Variants in GSPT1 observed in about 807,000 individuals in gnomAD.
The protein encoded by GSPT1 is eukaryotic peptide chain release factor GTP-binding subunit ERF3A.
GSPT1 carries 20 observed loss-of-function variants against 72.5 expected under a neutral mutation model. The observed-to-expected ratio is 0.28, with a 90% CI of 0.19 to 0.40. GSPT1 has a LOEUF of 0.40. Among genes scored for constraint, GSPT1 ranks in the 10% least tolerant of loss-of-function variants. The pLI is 1.00. For missense variants in GSPT1, 580 were observed against 811.9 expected (o/e 0.71, Z 3.47); for synonymous variants, 334 against 293.5 (o/e 1.14, Z -1.41).
At chr16:11,874,730 A>G (rs1237934703) in intron 14 of GSPT1, among the ~76,000 whole-genome samples, 1 of 152,190 alleles carries the variant, frequency 6.6e-6, no homozygotes, top group African/African-American at 2.4e-5. Flanking sequence ...CAGGAACTGT[A>G]TTCATCACCA....
upstream of GSPT1, among the ~76,000 whole-genome samples, chr16:11,916,254 G>A (rs1157048329): frequency 6.6e-6 from 1 of 152,178 alleles, no homozygotes; most frequent in South Asian, 2.1e-4. Context: ...GTGGCCGCTC[G>A]GCGGCCCCAC....
chr16:11,891,492 G>C (rs920349705), intron 5 of GSPT1, among the ~76,000 whole-genome samples: 2 of 151,286 alleles, frequency 1.3e-5, no homozygotes, highest in African/African-American at 4.9e-5. Context: ...CTCCTGAGTA[G>C]CTGGGATTAC....
chr16:11,895,015 T>G, intron 4 of GSPT1, 28 bp from the exon 5 acceptor site: 2 of 1,555,880 alleles, frequency 1.3e-6, no homozygotes, highest in East Asian at 4.5e-5. Context: ...ATGCAAACCA[T>G]AGGTTAAAAC....
At chr16:11,890,723 T>C in intron 6 of GSPT1, 1 of 170,782 alleles carries the variant, frequency 5.9e-6, no homozygotes, top group Non-Finnish European at 1.2e-5. Context: ...GTTTCCTGCT[T>C]CCCCCCAACT....
At chr16:11,891,534 G>A (rs2054261093) in intron 5 of GSPT1, among the ~76,000 whole-genome samples, 1 of 150,986 alleles carries the variant, frequency 6.6e-6, no homozygotes, top group Admixed American at 6.6e-5. Flanking sequence ...GCTAATTTTT[G>A]TACTTGTAGT....
intron 5 of GSPT1, among the ~76,000 whole-genome samples, chr16:11,893,466 G>T (rs2054295483): frequency 6.6e-6 from 1 of 152,022 alleles, no homozygotes; most frequent in Non-Finnish European, 1.5e-5. Flanking sequence ...TGTAAATGTA[G>T]GTACTATAGA....
Position 11,886,781 on chromosome 16 carries a change from C to T in GSPT1, c.1108G>A (p.Glu370Lys), listed in dbSNP as rs1479376712. The T allele has an allele frequency of 6.2e-7, 1 of 1,613,280 alleles. No individual in the cohort carries two copies. The highest frequency in any genetic ancestry group is 8.5e-7 in the Non-Finnish European group (1 of 1,179,410). The stretch of plus-strand genomic sequence containing the variant: ...ATACCAGACATCTACGCTCACCTCT[C>T]ATTGCTCCAATTTACTGTTGGATCA... ...MDDPTVNWSNERYEECKEKLV... is the reference protein window; with the variant it reads ...MDDPTVNWSNKRYEECKEKLV... Residue 370 changes from glutamate to lysine, a missense_variant, in exon 8 of 15, where the codon GAG becomes AAG. Transcript: ENST00000434724.
chr16:11,888,415 T>G (rs1046754941), intron 6 of GSPT1, among the ~76,000 whole-genome samples: 5 of 146,632 alleles, frequency 3.4e-5, no homozygotes, highest in African/African-American at 1.3e-4. Context: ...TGAGCCAAGA[T>G]CGTGCCATCG....
chr16:11,905,662 C>T lies in GSPT1; in HGVS notation c.353-7627G>A, dbSNP rs142729926. Among the ~76,000 whole-genome samples the T allele has an allele frequency of 5.3e-4, 80 of 152,228 alleles. 2 individuals carry two copies. The East Asian group carries it at 0.015, about 29-fold the overall frequency. On this transcript the variant is annotated intron_variant, in intron 1 of 14. Transcript: ENST00000434724. Reference sequence around the variant, plus strand: ...CCAGCCTGGCCAACGTGGTGAAACCCCGTCTCTACTAAAAAATTAAAAATT... The same window carrying T: ...CCAGCCTGGCCAACGTGGTGAAACCTCGTCTCTACTAAAAAATTAAAAATT...
intron 12 of GSPT1, among the ~76,000 whole-genome samples, chr16:11,876,587 CA>C (rs563672890): frequency 2.0e-5 from 3 of 152,080 alleles, no homozygotes; most frequent in Non-Finnish European, 4.4e-5. Flanking sequence ...ACTAAAAATA[CA>C]AAACAATCAG....
upstream of GSPT1, among the ~76,000 whole-genome samples, chr16:11,916,267 G>A (rs1200223485): frequency 1.3e-5 from 2 of 152,130 alleles, no homozygotes; most frequent in African/African-American, 4.8e-5. Context: ...GGCCCCACCT[G>A]TCACCTGGTG....
chr16:11,913,279 C>G (rs1298646562), intron 1 of GSPT1, among the ~76,000 whole-genome samples: 3 of 152,168 alleles, frequency 2.0e-5, no homozygotes, highest in African/African-American at 7.2e-5. Context: ...AAATAGACAT[C>G]CTACATAGGA....
intron 1 of GSPT1, among the ~76,000 whole-genome samples, chr16:11,902,380 AACAG>A (rs1239101738): frequency 6.8e-6 from 1 of 146,018 alleles, no homozygotes; most frequent in Non-Finnish European, 1.5e-5. Flanking sequence ...CTGTCTCAAA[AACAG>A]ACAGAGCAGG....
At chr16:11,915,984 A>G (rs756190137), upstream of GSPT1, 1 of 700,874 alleles carries the variant, frequency 1.4e-6, no homozygotes, top group East Asian at 2.8e-5. Context: ...ACCACCTCCG[A>G]CGGCCTCACA....
At chr16:11,913,823 G>A (rs1413093054) in intron 1 of GSPT1, among the ~76,000 whole-genome samples, 1 of 152,182 alleles carries the variant, frequency 6.6e-6, no homozygotes, top group African/African-American at 2.4e-5. Flanking sequence ...ATTGTCTAGA[G>A]CCGTACCACC....
chr16:11,874,989 A>G (rs956253420), intron 14 of GSPT1, among the ~76,000 whole-genome samples: 1 of 152,218 alleles, frequency 6.6e-6, no homozygotes, highest in African/African-American at 2.4e-5. Flanking sequence ...CAGGAGATCA[A>G]GACCATCCTG....
At chr16:11,905,984 T>G (rs1019914828) in intron 1 of GSPT1, among the ~76,000 whole-genome samples, 2 of 152,236 alleles carry the variant, frequency 1.3e-5, no homozygotes. Context: ...GCATGATGTA[T>G]TGTATAGAAT....
At chr16:11,876,654 A>C (rs966696111) in intron 12 of GSPT1, among the ~76,000 whole-genome samples, 13 of 152,130 alleles carry the variant, frequency 8.5e-5, no homozygotes, top group African/African-American at 3.1e-4. Context: ...GAGGCAGGAC[A>C]ATCGCTTGAA....
chr16:11,905,296 G>A (rs772491232), intron 1 of GSPT1, among the ~76,000 whole-genome samples: 10 of 152,120 alleles, frequency 6.6e-5, no homozygotes, highest in Admixed American at 1.3e-4. Context: ...GTTATTAAGC[G>A]CTGGAAACAT....
Sources: allele counts gnomAD v4.1 joint callset (sites outside exome capture counted in the v4.1 genomes callset), GRCh38; gene constraint gnomAD v4.1.1; transcripts MANE v1.5; gene names NCBI Gene and HGNC (gene_info 2026-07-23, HGNC 2026-07-21).